PRRC2B: variants seen among roughly 807,000 people sequenced by gnomAD.
The protein encoded by PRRC2B is proline rich coiled-coil 2B.
PRRC2B carries 68 observed loss-of-function variants against 242.3 expected under a neutral mutation model. That is an observed-to-expected ratio of 0.28 (90% CI 0.23 to 0.34). PRRC2B has a LOEUF of 0.34. PRRC2B is among the 10% of genes least tolerant of loss of function. The probability of loss-of-function intolerance (pLI) is 1.00; values close to 1 mark genes in which losing one functional copy is unlikely to be tolerated. For missense variants in PRRC2B, 2,835 were observed against 2,954.8 expected, an observed-to-expected ratio of 0.96 and a Z score of 0.94; for synonymous variants, 1,228 against 1,173.6, an observed-to-expected ratio of 1.05 and a Z score of -0.95.
chr9:131,410,351 G>A (rs1284786313), intron 1 of PRRC2B, among the ~76,000 whole-genome samples: 5 of 152,214 alleles, frequency 3.3e-5, no homozygotes, highest in Admixed American at 6.5e-5. Context: ...CAGTGCCAGC[G>A]CCAGTTCACA....
intron 2 of PRRC2B, among the ~76,000 whole-genome samples, chr9:131,431,305 T>C (rs1838162008): frequency 6.6e-6 from 1 of 152,000 alleles, no homozygotes; most frequent in Non-Finnish European, 1.5e-5. Flanking sequence ...TAATTTTTTG[T>C]ATTTTTAGTA....
At chr9:131,402,196 T>A (rs775025048) in intron 1 of PRRC2B, among the ~76,000 whole-genome samples, 2 of 152,210 alleles carry the variant, frequency 1.3e-5, no homozygotes, top group Non-Finnish European at 2.9e-5. Context: ...GCTCAAGCGA[T>A]TTGCCTGCCT....
chr9:131,397,105 T>A (rs1837082250), intron 1 of PRRC2B, among the ~76,000 whole-genome samples: 1 of 152,244 alleles, frequency 6.6e-6, no homozygotes, highest in African/African-American at 2.4e-5. Flanking sequence ...TCCTGCCTCT[T>A]GGCCCTTCCT....
chr9:131,379,672 C>G, intron 1 of PRRC2B, among the ~76,000 whole-genome samples: 1 of 145,282 alleles, frequency 6.9e-6, no homozygotes, highest in East Asian at 2.0e-4. Context: ...GTCACCCAGG[C>G]TGGAGTGCAA....
intron 1 of PRRC2B, among the ~76,000 whole-genome samples, chr9:131,388,539 AC>A (rs1180524591): frequency 6.9e-6 from 1 of 145,838 alleles, no homozygotes; most frequent in African/African-American, 2.5e-5. Context: ...CACGCCCAGC[AC>A]TTTTTTTCTT....
chr9:131,378,309 CAAAAA>C (rs761589088), intron 1 of PRRC2B, among the ~76,000 whole-genome samples: 1 of 58,590 alleles, frequency 1.7e-5, no homozygotes. Context: ...AACTCTGTCT[CAAAAA>C]AAAAAAAAAA....
At position 131,464,972 on chromosome 9, in the gene PRRC2B, G is replaced by A; in HGVS notation, c.1614G>A (p.Gln538=). The A allele has an allele frequency of 6.2e-7, 1 of 1,613,976 alleles. No individual in the cohort carries two copies. The highest frequency in any genetic ancestry group is 1.1e-5 in the South Asian group (1 of 91,074). ...KLKQLDQKCK[Q]ARKAGEARKQ... is the part of the protein sequence containing the mutation. Reference sequence around the variant, plus strand: ...AGCAGCTGGACCAGAAGTGTAAGCAGGCACGAAAGGCAGGTGAGGCCCGGA... The same window carrying A: ...AGCAGCTGGACCAGAAGTGTAAGCAAGCACGAAAGGCAGGTGAGGCCCGGA... The change falls in exon 12 of 32, where the codon CAG becomes CAA. Residue 538 remains glutamine (Q), a synonymous_variant. Transcript: ENST00000683519.
At chr9:131,423,507 C>T (rs770244427) in intron 1 of PRRC2B, among the ~76,000 whole-genome samples, 4 of 152,172 alleles carry the variant, frequency 2.6e-5, no homozygotes, top group Non-Finnish European at 5.9e-5. Flanking sequence ...TGCTTGTGGG[C>T]GGGGCCAGCC....
At chr9:131,404,610 A>G (rs940891083) in intron 1 of PRRC2B, among the ~76,000 whole-genome samples, 1 of 151,450 alleles carries the variant, frequency 6.6e-6, no homozygotes, top group Non-Finnish European at 1.5e-5. Flanking sequence ...AACCAGTGTG[A>G]GGAAGTTCTT....
intron 1 of PRRC2B, among the ~76,000 whole-genome samples, chr9:131,383,953 C>T (rs1410803409): frequency 6.6e-6 from 1 of 151,952 alleles, no homozygotes; most frequent in Non-Finnish European, 1.5e-5. Flanking sequence ...CAGGCTTGCT[C>T]TGTCACCCAG....
intron 29 of PRRC2B, 100 bp from the exon 30 acceptor site, chr9:131,492,069 C>T (rs1944210996): frequency 2.2e-6 from 2 of 912,992 alleles, no homozygotes; most frequent in Non-Finnish European, 3.6e-6. Context: ...TGGGAATTCC[C>T]ATGGCCCTCA....
chr9:131,485,010 C>T lies in PRRC2B; in HGVS notation c.5628C>T (p.Gly1876=), dbSNP rs778545069. ...GTTTGCCGGAGCAGAGCTCTCCAGGCGGCGCTGGCTCAGGCATCCAGCCTC... is the reference window on the plus strand; with the variant it reads ...GTTTGCCGGAGCAGAGCTCTCCAGGTGGCGCTGGCTCAGGCATCCAGCCTC... ...SPSLPEQSSP[G]GAGSGIQPPS... Residue 1876 remains glycine, a synonymous_variant, in exon 25 of 32, where the codon GGC becomes GGT. Coordinates refer to ENST00000683519, the MANE Select transcript of PRRC2B (RefSeq NM_013318.4). 1.9e-5 allele frequency: 31 copies of T among 1,613,134 alleles called. No homozygotes were observed. The highest frequency in any genetic ancestry group is 2.5e-5 in the Non-Finnish European group (30 of 1,179,626).
chr9:131,384,449 A>G (rs1323297820), intron 1 of PRRC2B, among the ~76,000 whole-genome samples: 1 of 151,712 alleles, frequency 6.6e-6, no homozygotes, highest in Non-Finnish European at 1.5e-5. Context: ...TGCCCGGCTA[A>G]TTTTTTGTAT....
intron 1 of PRRC2B, among the ~76,000 whole-genome samples, chr9:131,407,767 C>T (rs751692830): frequency 2.6e-5 from 4 of 152,196 alleles, no homozygotes; most frequent in Non-Finnish European, 4.4e-5. Context: ...CACCCGAGGG[C>T]GTGTGGCCCA....
chr9:131,420,485 C>CTTTT (rs1240553042), intron 1 of PRRC2B, among the ~76,000 whole-genome samples: 4 of 15,756 alleles, frequency 2.5e-4, no homozygotes, highest in African/African-American at 4.8e-4. Flanking sequence ...TTCTTTCTTT[C>CTTTT]TTTCTTTCTT....
At chr9:131,437,932 G>A (rs1409934983) in intron 4 of PRRC2B, among the ~76,000 whole-genome samples, 1 of 152,180 alleles carries the variant, frequency 6.6e-6, no homozygotes, top group African/African-American at 2.4e-5. Flanking sequence ...GGGCCTGTGG[G>A]TGAGGTCCTG....
intron 1 of PRRC2B, among the ~76,000 whole-genome samples, chr9:131,427,426 G>A (rs764613583): frequency 9.2e-5 from 14 of 152,166 alleles, no homozygotes; most frequent in Non-Finnish European, 2.1e-4. Context: ...TGCTTCCCGG[G>A]TTCACGCCAT....
chr9:131,452,573 C>T (rs1233611480), intron 9 of PRRC2B, among the ~76,000 whole-genome samples: 1 of 151,358 alleles, frequency 6.6e-6, no homozygotes, highest in Admixed American at 6.6e-5. Context: ...TCTTTTAATT[C>T]CTGATAATTT....
chr9:131,469,468 C>T (rs1348529792), intron 13 of PRRC2B, among the ~76,000 whole-genome samples: 1 of 152,198 alleles, frequency 6.6e-6, no homozygotes, highest in East Asian at 1.9e-4. Context: ...ACAGCCTTCT[C>T]TGTGGACTGG....
Sources: allele counts gnomAD v4.1 joint callset (sites outside exome capture counted in the v4.1 genomes callset), GRCh38; gene constraint gnomAD v4.1.1; transcripts MANE v1.5; gene names NCBI Gene and HGNC (gene_info 2026-07-23, HGNC 2026-07-21).